The following BCAT1 variants were observed in gnomAD, a reference collection of about 807,000 sequenced individuals.
BCAT1 encodes branched chain amino acid transaminase 1.
BCAT1 carries 48 observed loss-of-function variants against 52.4 expected under a neutral mutation model. The observed-to-expected ratio is 0.92, with a 90% CI of 0.73 to 1.16. The LOEUF (loss-of-function observed/expected upper bound fraction) is 1.16, where lower values mean the gene tolerates loss of function less well. BCAT1 is among the 50% of genes most tolerant of loss of function. BCAT1 has a pLI of 0.00. For synonymous variants in BCAT1, 167 were observed against 161.3 expected (o/e 1.04, Z -0.27); for missense variants, 451 against 457.1 (o/e 0.99, Z 0.12).
chr12:24,858,886 GTAA>G (rs1941768901), intron 5 of BCAT1, among the ~76,000 whole-genome samples: 1 of 152,246 alleles, frequency 6.6e-6, no homozygotes, highest in East Asian at 1.9e-4. Context: ...AAAGGTTTGA[GTAA>G]GTTGTGGGAG....
chr12:24,828,410 A>T (rs1940498595), intron 10 of BCAT1, among the ~76,000 whole-genome samples: 1 of 152,194 alleles, frequency 6.6e-6, no homozygotes, highest in Non-Finnish European at 1.5e-5. Flanking sequence ...GGCAAAACAA[A>T]GTTAGCAGTA....
chr12:24,947,167 CCACACACACACACACACACACACACA>C (rs57265449), intron 1 of BCAT1, among the ~76,000 whole-genome samples: 5 of 141,152 alleles, frequency 3.5e-5, no homozygotes, highest in African/African-American at 8.0e-5. Context: ...CGTCTTCCCT[CCACACACACACACACACACACACACA>C]CACACACACA....
chr12:24,846,703 C>T (rs1265073763), intron 6 of BCAT1, among the ~76,000 whole-genome samples: 2 of 152,160 alleles, frequency 1.3e-5, no homozygotes, highest in Admixed American at 1.3e-4. Context: ...AAATCTAAAA[C>T]TTTTTCGGTG....
intron 1 of BCAT1, among the ~76,000 whole-genome samples, chr12:24,933,534 T>C (rs1565504778): frequency 6.6e-6 from 1 of 152,138 alleles, no homozygotes; most frequent in Non-Finnish European, 1.5e-5. Flanking sequence ...TCTGTGTCCC[T>C]ACTCAAACCT....
At chr12:24,934,078 G>A (rs540912188) in intron 1 of BCAT1, among the ~76,000 whole-genome samples, 11 of 152,126 alleles carry the variant, frequency 7.2e-5, no homozygotes, top group East Asian at 1.9e-4. Flanking sequence ...GCATTCACCC[G>A]TGCAAGCTCC....
At chr12:24,906,242 G>T (rs1206329624) in intron 1 of BCAT1, among the ~76,000 whole-genome samples, 1 of 151,978 alleles carries the variant, frequency 6.6e-6, no homozygotes, top group African/African-American at 2.4e-5. Context: ...GATGAGAGAA[G>T]TGCCAAGGAG....
intron 1 of BCAT1, among the ~76,000 whole-genome samples, chr12:24,941,890 G>A (rs942168389): frequency 1.3e-5 from 2 of 152,166 alleles, no homozygotes; most frequent in African/African-American, 4.8e-5. Flanking sequence ...GATGGAGGGA[G>A]TTAAAAACCA....
rs541098001 is a variant in BCAT1, at chr12:24,836,672, A to T, written c.818-76T>A. 39 of 1,237,492 alleles carry T rather than the reference A, an allele frequency of 3.2e-5. No homozygotes were observed. In the African/African-American group the frequency reaches 4.4e-4, roughly 14 times the overall value. 76.7% of individuals were successfully genotyped at this position (1,237,492 alleles called of 1,614,324 possible). On this transcript the variant is annotated intron_variant, in intron 7 of 10. Coordinates refer to ENST00000261192, the MANE Select transcript of BCAT1 (RefSeq NM_005504.7). ...CCTTATTATCAATAGCCATTTTTTT[A>T]AAAAACCATCACAATTTTGCTAGCA...
At chr12:24,929,599 ACCTTGTCACAGG>A (rs1455234992) in intron 1 of BCAT1, among the ~76,000 whole-genome samples, 1 of 152,198 alleles carries the variant, frequency 6.6e-6, no homozygotes, top group Non-Finnish European at 1.5e-5. Context: ...GGACAGGTAG[ACCTTGTCACAGG>A]CTATTACCTA....
At chr12:24,918,489 A>C (rs1312285268) in intron 1 of BCAT1, among the ~76,000 whole-genome samples, 1 of 152,150 alleles carries the variant, frequency 6.6e-6, no homozygotes, top group Non-Finnish European at 1.5e-5. Flanking sequence ...CTTATTTAAC[A>C]ACACTTCCTG....
intron 1 of BCAT1, among the ~76,000 whole-genome samples, chr12:24,930,831 C>T (rs1055544496): frequency 1.3e-5 from 2 of 150,496 alleles, no homozygotes; most frequent in African/African-American, 4.9e-5. Context: ...ATGTGTCAAA[C>T]GTGTTTGGAA....
intron 5 of BCAT1, among the ~76,000 whole-genome samples, chr12:24,853,617 A>C (rs941895068): frequency 6.6e-6 from 1 of 152,216 alleles, no homozygotes; most frequent in African/African-American, 2.4e-5. Context: ...TTAATTAAAA[A>C]AAGTCAATTA....
chr12:24,863,729 G>A (rs1038624792), intron 5 of BCAT1, among the ~76,000 whole-genome samples: 2 of 152,158 alleles, frequency 1.3e-5, no homozygotes, highest in East Asian at 3.9e-4. Context: ...CCAGGAGTTT[G>A]AGGTGAGCCT....
chr12:24,875,326 T>G (rs1438036885), intron 5 of BCAT1, among the ~76,000 whole-genome samples: 1 of 152,224 alleles, frequency 6.6e-6, no homozygotes, highest in Non-Finnish European at 1.5e-5. Context: ...CCTTTCTGAA[T>G]CACAAGTGAT....
At position 24,813,997 on chromosome 12, in the gene BCAT1, T is replaced by A. The variant is rs1297521215; in HGVS notation, c.*4011A>T. ...TGAACTATTAATAGAGTCTTCATCATCTTTGCCAAGTAATAGGTAATGCTC... is the reference window on the plus strand; with the variant it reads ...TGAACTATTAATAGAGTCTTCATCAACTTTGCCAAGTAATAGGTAATGCTC... On this transcript the variant is annotated 3_prime_UTR_variant, in exon 11 of 11. Transcript: ENST00000261192. The A allele has an allele frequency of 6.6e-6, 1 of 152,120 alleles. No homozygotes were observed. 9.4% of individuals were successfully genotyped at this position (152,120 alleles called of 1,614,324 possible). A position where few individuals can be genotyped will look rare whatever the true frequency, so the allele number is the denominator to read the frequency against.
At chr12:24,845,560 C>T (rs1017424166) in intron 6 of BCAT1, among the ~76,000 whole-genome samples, 2 of 152,204 alleles carry the variant, frequency 1.3e-5, no homozygotes, top group Non-Finnish European at 2.9e-5. Flanking sequence ...GACCTGAGGA[C>T]AGCTCTTGCA....
At chr12:24,874,847 G>C (rs746907504) in intron 5 of BCAT1, among the ~76,000 whole-genome samples, 3 of 152,168 alleles carry the variant, frequency 2.0e-5, no homozygotes, top group Non-Finnish European at 4.4e-5. Flanking sequence ...GGACACAAGT[G>C]ATCAACTAGG....
intron 5 of BCAT1, among the ~76,000 whole-genome samples, chr12:24,871,344 T>TGGAA (rs1942179973): frequency 6.6e-6 from 1 of 152,182 alleles, no homozygotes; most frequent in South Asian, 2.1e-4. Flanking sequence ...GGATACAATG[T>TGGAA]GGAAGATGCC....
chr12:24,844,380 G>T (rs1173624986), intron 6 of BCAT1, among the ~76,000 whole-genome samples: 2 of 152,016 alleles, frequency 1.3e-5, no homozygotes, highest in African/African-American at 4.8e-5. Context: ...GCAGTGAGCC[G>T]AGATTGTGCC....
Sources: gnomAD v4.1 joint callset for allele counts (sites outside exome capture counted in the v4.1 genomes callset) on GRCh38, gnomAD v4.1.1 for gene constraint, MANE v1.5 for transcripts, NCBI Gene and HGNC (gene_info 2026-07-23, HGNC 2026-07-21) for gene names.